Variants in ADAMTSL1 observed in about 807,000 individuals in gnomAD.
The protein encoded by ADAMTSL1 is ADAMTS like 1, also known as ADAMTS-like protein 1.
ADAMTSL1 carries 126 observed loss-of-function variants against 201.8 expected under a neutral mutation model. The observed-to-expected ratio is 0.62, with a 90% CI of 0.54 to 0.72. The LOEUF is 0.72. Ranked by LOEUF, ADAMTSL1 falls within the 30% of genes least tolerant of loss-of-function variation. The pLI is 0.00. For synonymous variants in ADAMTSL1, 1,121 were observed against 903.4 expected, an observed-to-expected ratio of 1.24 and a Z score of -4.32; for missense variants, 2,679 against 2,277.8, an observed-to-expected ratio of 1.18 and a Z score of -3.59.
chr9:18,757,339 A>T (rs1313928174), intron 16 of ADAMTSL1, among the ~76,000 whole-genome samples: 1 of 152,078 alleles, frequency 6.6e-6, no homozygotes, highest in Non-Finnish European at 1.5e-5. Flanking sequence ...GGTGTTGGTT[A>T]TAAGTAACTT....
At chr9:18,513,470 C>T (rs1587422245) in intron 2 of ADAMTSL1, among the ~76,000 whole-genome samples, 1 of 152,088 alleles carries the variant, frequency 6.6e-6, no homozygotes, top group African/African-American at 2.4e-5. Context: ...GTTGTTCTTT[C>T]CCTTGCCGTG....
At chr9:18,286,033 T>TTC (rs57298631) in intron 2 of ADAMTSL1, among the ~76,000 whole-genome samples, 56 of 150,108 alleles carry the variant, frequency 3.7e-4, no homozygotes, top group East Asian at 1.2e-3. Context: ...ACTGGTTACT[T>TTC]TCTCTCTCTC....
chr9:18,833,899 C>A (rs1268336448), intron 23 of ADAMTSL1, among the ~76,000 whole-genome samples: 7 of 152,198 alleles, frequency 4.6e-5, no homozygotes, highest in Admixed American at 2.0e-4. Flanking sequence ...TTTTAATCTT[C>A]TCTATATGGC....
chr9:18,690,230 C>A (rs755020650), intron 13 of ADAMTSL1, among the ~76,000 whole-genome samples: 7 of 144,664 alleles, frequency 4.8e-5, no homozygotes, highest in Admixed American at 1.3e-4. Flanking sequence ...GAAAATAGTA[C>A]TTAAAGATAT....
intron 2 of ADAMTSL1, among the ~76,000 whole-genome samples, chr9:18,235,701 A>C (rs764464741): frequency 1.3e-5 from 2 of 152,194 alleles, no homozygotes; most frequent in African/African-American, 4.8e-5. Flanking sequence ...ACAGTTACAC[A>C]GCTTTTGACT....
At chr9:18,218,986 A>G (rs926434577) in intron 2 of ADAMTSL1, among the ~76,000 whole-genome samples, 2 of 151,984 alleles carry the variant, frequency 1.3e-5, no homozygotes, top group African/African-American at 4.8e-5. Context: ...CAATTTTCCC[A>G]TCTTGTTTAC....
intron 2 of ADAMTSL1, among the ~76,000 whole-genome samples, chr9:18,327,346 C>T (rs1010595453): frequency 1.5e-4 from 23 of 152,326 alleles, no homozygotes; most frequent in Middle Eastern, 3.4e-3. Context: ...ACTGAGGAGA[C>T]GCGTTAATGA....
chr9:18,247,748 A>G (rs1831317805), intron 2 of ADAMTSL1, among the ~76,000 whole-genome samples: 1 of 152,170 alleles, frequency 6.6e-6, no homozygotes, highest in Non-Finnish European at 1.5e-5. Context: ...GTGTGGCTAG[A>G]CAGAGGGAGA....
intron 13 of ADAMTSL1, among the ~76,000 whole-genome samples, chr9:18,703,735 T>TATATATATATATATATATATATATA (rs60548312): frequency 7.2e-6 from 1 of 138,510 alleles, no homozygotes; most frequent in African/African-American, 2.6e-5. Context: ...TATATATATA[T>TATATATATATATATATATATATATA]GTTTTAATTG....
At chr9:18,612,735 G>T (rs1415186529) in intron 4 of ADAMTSL1, among the ~76,000 whole-genome samples, 3 of 152,138 alleles carry the variant, frequency 2.0e-5, no homozygotes, top group African/African-American at 7.2e-5. Flanking sequence ...ATGGATTAAA[G>T]ACTTAAGTGT....
At chr9:18,262,650 C>T (rs1831968221) in intron 2 of ADAMTSL1, among the ~76,000 whole-genome samples, 1 of 152,092 alleles carries the variant, frequency 6.6e-6, no homozygotes, top group Non-Finnish European at 1.5e-5. Flanking sequence ...TCTCATTTGG[C>T]ACCTACAAGA....
intron 2 of ADAMTSL1, among the ~76,000 whole-genome samples, chr9:18,178,069 G>T (rs906711435): frequency 5.3e-5 from 8 of 152,210 alleles, no homozygotes; most frequent in Admixed American, 5.2e-4. Flanking sequence ...CTCCCAGCAT[G>T]AGCGACGCAG....
At chr9:18,221,155 C>G (rs965628669) in intron 2 of ADAMTSL1, among the ~76,000 whole-genome samples, 3 of 152,166 alleles carry the variant, frequency 2.0e-5, no homozygotes, top group Non-Finnish European at 2.9e-5. Flanking sequence ...TCCTGAAAGG[C>G]TGTAGAATGT....
chr9:18,058,131 G>T (rs1468049115), intron 1 of ADAMTSL1, among the ~76,000 whole-genome samples: 2 of 152,226 alleles, frequency 1.3e-5, no homozygotes, highest in Admixed American at 6.5e-5. Context: ...ATGGTTGAAA[G>T]ATTAAATGAA....
In ADAMTSL1 at chr9:18,655,806, TAAAAAAAAA is replaced by T. The variant is rs56662538; in HGVS notation, c.835-1810_835-1802del. ...AGAGAGCTAGAGGCTTTTGTGAGCT[TAAAAAAAAA>T]AAAAAAAAAAAAAAAAAAAAAAGAA... is the stretch of plus-strand genomic sequence containing the variant. On this transcript the variant is annotated intron_variant, in intron 7 of 28. Coordinates refer to ENST00000380548, the MANE Select transcript of ADAMTSL1 (RefSeq NM_001040272.6). Among the ~76,000 whole-genome samples the T allele has an allele frequency of 1.1e-3, 94 of 81,846 alleles. 1 individual carries two copies. Among genetic ancestry groups the T allele is most frequent in the African/African-American group, 5.7e-3 (86 of 15,104 alleles). 53.7% of individuals were successfully genotyped at this position (81,846 alleles called of 152,430 possible).
At chr9:18,591,739 C>T (rs556038937) in intron 4 of ADAMTSL1, among the ~76,000 whole-genome samples, 60 of 152,290 alleles carry the variant, frequency 3.9e-4, no homozygotes, top group South Asian at 3.3e-3. Context: ...GGAGCCATTA[C>T]AATCAGTACA....
At chr9:17,935,116 G>T (rs1826952034) in intron 1 of ADAMTSL1, among the ~76,000 whole-genome samples, 1 of 151,906 alleles carries the variant, frequency 6.6e-6, no homozygotes, top group Admixed American at 6.6e-5. Flanking sequence ...AAGGCCATCA[G>T]CAGCCTTCAT....
At chr9:18,638,683 T>C (rs1405235142) in intron 6 of ADAMTSL1, among the ~76,000 whole-genome samples, 1 of 152,114 alleles carries the variant, frequency 6.6e-6, no homozygotes, top group African/African-American at 2.4e-5. Context: ...TCAAAATGGA[T>C]TTTAAAAAGA....
At chr9:18,644,166 T>C (rs1362433674) in intron 7 of ADAMTSL1, among the ~76,000 whole-genome samples, 1 of 151,918 alleles carries the variant, frequency 6.6e-6, no homozygotes, top group Non-Finnish European at 1.5e-5. Flanking sequence ...AATTTCTTTT[T>C]TGAATGGTTT....
Sources: gnomAD v4.1 joint callset for allele counts (sites outside exome capture counted in the v4.1 genomes callset) on GRCh38, gnomAD v4.1.1 for gene constraint, MANE v1.5 for transcripts, NCBI Gene and HGNC (gene_info 2026-07-23, HGNC 2026-07-21) for gene names.